The following RNF157 variants were observed in gnomAD, a reference collection of about 807,000 sequenced individuals.
The protein encoded by RNF157 is E3 ubiquitin ligase RNF157.
A neutral mutation model predicts 88.3 loss-of-function variants in RNF157; 55 were observed. The ratio of observed to expected loss-of-function variants is 0.62; its 90% CI spans 0.50 to 0.78. The LOEUF is 0.78. RNF157 is among the 30% of genes least tolerant of loss of function. RNF157 has a pLI of 0.00. For synonymous variants in RNF157, 334 were observed against 341.2 expected (o/e 0.98, Z 0.23); for missense variants, 788 against 860.8 (o/e 0.92, Z 1.06).
chr17:76,210,331 T>TCC (rs1568065508), intron 2 of RNF157, among the ~76,000 whole-genome samples: 1 of 151,504 alleles, frequency 6.6e-6, no homozygotes, highest in African/African-American at 2.4e-5. Flanking sequence ...CAGTGGCTCA[T>TCC]GCCTGTAATC....
At chr17:76,187,120 G>A (rs540228316) in intron 2 of RNF157, among the ~76,000 whole-genome samples, 90 of 152,148 alleles carry the variant, frequency 5.9e-4, no homozygotes, top group African/African-American at 2.1e-3. Flanking sequence ...TGTATTTGCA[G>A]ATACAGCCCT....
At chr17:76,165,937 C>T (rs2068917062) in intron 6 of RNF157, among the ~76,000 whole-genome samples, 1 of 152,004 alleles carries the variant, frequency 6.6e-6, no homozygotes, top group Non-Finnish European at 1.5e-5. Flanking sequence ...CTCAGCCTCC[C>T]AAAGTGCTAG....
At chr17:76,154,721 GTTGGCT>G (rs2068735133) in intron 16 of RNF157, 1 of 226,038 alleles carries the variant, frequency 4.4e-6, no homozygotes, top group East Asian at 1.2e-4. Context: ...ATTGACAGGA[GTTGGCT>G]CAAGAAGAGT....
chr17:76,182,773 A>ATG (rs1476347895), intron 2 of RNF157, among the ~76,000 whole-genome samples: 2 of 138,970 alleles, frequency 1.4e-5, no homozygotes, highest in Non-Finnish European at 3.0e-5. Context: ...ATATATATAT[A>ATG]TATATATATA....
chr17:76,202,113 C>A (rs2069590326), intron 2 of RNF157, among the ~76,000 whole-genome samples: 1 of 131,420 alleles, frequency 7.6e-6, no homozygotes, highest in Non-Finnish European at 1.5e-5. Flanking sequence ...ATCTCAGTTT[C>A]TCTCTCTCTC....
At position 76,212,441 on chromosome 17, in the gene RNF157, A is replaced by G. The variant is rs781699657; in HGVS notation, c.130T>C (p.Phe44Leu). 6.2e-7 allele frequency: 1 copy of G among 1,613,970 alleles called. No homozygotes were observed. The highest frequency in any genetic ancestry group is 8.5e-7 in the Non-Finnish European group (1 of 1,179,922). ...ASHFIMGGEK[F>L]DSTHPEGYLF... ...TAACCTTCAGGATGAGTTGAGTCAAACTTCTCTCCTCCCATAATGAAGTGG... is the reference window on the plus strand; with the variant it reads ...TAACCTTCAGGATGAGTTGAGTCAAGCTTCTCTCCTCCCATAATGAAGTGG... Residue 44 changes from phenylalanine to leucine, a missense_variant, in exon 2 of 19, where the codon TTT (phenylalanine) becomes CTT (leucine). Transcript: ENST00000269391.
rs563133321 is a variant in RNF157, at chr17:76,157,648, G to A, written c.1413+745C>T. 5.3e-5 allele frequency among the ~76,000 whole-genome samples: 8 copies of A among 152,224 alleles called. No homozygotes were observed. The South Asian group carries it at 1.5e-3, about 28-fold the overall frequency. On this transcript the variant is annotated intron_variant, in intron 13 of 18. Transcript: ENST00000269391. This position sits in a 1 kb window ranked among gnomAD's most constrained non-coding sequence, Gnocchi z 5.6. ...CTTAGTCATTGAACAAATACTTACT[G>A]AGCAACAACAACGTGCCAGGCACAT...
At chr17:76,235,309 T>C (rs1284102078) in intron 1 of RNF157, among the ~76,000 whole-genome samples, 1 of 152,004 alleles carries the variant, frequency 6.6e-6, no homozygotes, top group East Asian at 1.9e-4. Flanking sequence ...ATCATTCTCC[T>C]GCCTCAGCCT....
At chr17:76,155,431 G>A in intron 15 of RNF157, 114 bp from the exon 16 acceptor site, 1 of 1,442,628 alleles carries the variant, frequency 6.9e-7, no homozygotes. Context: ...CTAAGGGAAT[G>A]CCTTGTTTTC....
chr17:76,201,392 G>A (rs2069575941), intron 2 of RNF157, among the ~76,000 whole-genome samples: 4 of 151,216 alleles, frequency 2.6e-5, no homozygotes, highest in Admixed American at 2.6e-4. Flanking sequence ...TGTATCTGTA[G>A]TCCCAGCTAC....
At chr17:76,165,342 C>T (rs375406048) in intron 7 of RNF157, among the ~76,000 whole-genome samples, 160 bp downstream of exon 7, 10 of 152,062 alleles carry the variant, frequency 6.6e-5, no homozygotes, top group Non-Finnish European at 1.3e-4. Flanking sequence ...GGCTGGAGTG[C>T]GGTGGTGCCA....
rs556389482 is a variant in RNF157, at chr17:76,170,070, G to A, written c.297-2273C>T. On this transcript the variant is annotated intron_variant, in intron 3 of 18. Transcript: ENST00000269391. ...CTGTGGGCTGACCTGGATCTGTTGA[G>A]GAACCTCTAACTCTAGTCTCTTAGG... is the stretch of plus-strand genomic sequence containing the variant. Among the ~76,000 whole-genome samples, 12 of 152,292 alleles carry A rather than the reference G, an allele frequency of 7.9e-5. No individual in the cohort carries two copies. In the East Asian group the frequency reaches 1.5e-3, roughly 20 times the overall value.
intron 2 of RNF157, among the ~76,000 whole-genome samples, chr17:76,189,266 G>A (rs935725226): frequency 3.3e-5 from 5 of 152,210 alleles, no homozygotes; most frequent in Non-Finnish European, 7.3e-5. Context: ...ACCTTAGGTG[G>A]AGCTGGATAA....
rs72868716 is a variant in RNF157 at position 76,167,166 on chromosome 17, C to G, written c.444-40G>C. ...GGGAGGCAAAGCAAAAGTCAGTATC[C>G]GGCACAGATGGGTCTGACAACTTCC... On this transcript the variant is annotated intron_variant, in intron 4 of 18. Transcript: ENST00000269391. The G allele has an allele frequency of 2.1e-6, 3 of 1,447,560 alleles. No homozygotes were observed. In the African/African-American group the frequency reaches 4.2e-5, roughly 20 times the overall value. 89.7% of individuals were successfully genotyped at this position (1,447,560 alleles called of 1,614,324 possible). A position where few individuals can be genotyped will look rare whatever the true frequency, so the allele number is the denominator to read the frequency against.
Position 76,146,953 on chromosome 17 carries a change from A to G in RNF157, c.1922-1600T>C, listed in dbSNP as rs2068594571. 1 of 985,386 alleles carries G rather than the reference A, an allele frequency of 1.0e-6. No individual in the cohort carries two copies. Among genetic ancestry groups the G allele is most frequent in the South Asian group, 4.7e-5 (1 of 21,288 alleles). The allele number at this position is 985,386 out of a possible 1,614,324, so 61.0% of individuals were successfully genotyped here. A position where few individuals can be genotyped will look rare whatever the true frequency, so the allele number is the denominator to read the frequency against. On this transcript the variant is annotated intron_variant, in intron 18 of 18. Transcript: ENST00000269391. The surrounding 1 kb of genome is among the most constrained non-coding windows in gnomAD (Gnocchi z 4.2). The stretch of plus-strand genomic sequence containing the variant: ...CAACAGGTATAAATGGCTTATTTCC[A>G]TCAATGCCTTGGTGTGCTAATCCAC...
intron 3 of RNF157, among the ~76,000 whole-genome samples, chr17:76,173,501 G>A (rs2069052092): frequency 6.6e-6 from 1 of 152,128 alleles, no homozygotes; most frequent in Non-Finnish European, 1.5e-5. Context: ...ACAGACGATT[G>A]CATCCAGTGC....
intron 2 of RNF157, among the ~76,000 whole-genome samples, chr17:76,197,856 G>C (rs1231967076): frequency 6.6e-6 from 1 of 152,190 alleles, no homozygotes; most frequent in Non-Finnish European, 1.5e-5. Context: ...GGCCCTGGTA[G>C]GGAAGGAGTG....
rs1028937472 is a variant in RNF157, at chr17:76,160,656, C to T, written c.1065+879G>A. 6.6e-6 allele frequency among the ~76,000 whole-genome samples: 1 copy of T among 152,092 alleles called. No individual in the cohort carries two copies. Among genetic ancestry groups the T allele is most frequent in the African/African-American group, 2.4e-5 (1 of 41,398 alleles). The stretch of plus-strand genomic sequence containing the variant: ...AAAGACATTAGCTTTTCCTCTGATA[C>T]ACACATTGTAAATAGTTTTTAAAAA... On this transcript the variant is annotated intron_variant, in intron 11 of 18. Transcript: ENST00000269391. This position sits in a 1 kb window ranked among gnomAD's most constrained non-coding sequence, Gnocchi z 4.3.
intron 2 of RNF157, among the ~76,000 whole-genome samples, chr17:76,190,405 G>A (rs1205994556): frequency 1.3e-5 from 2 of 151,988 alleles, no homozygotes; most frequent in Non-Finnish European, 2.9e-5. Flanking sequence ...GGCCCCAAGT[G>A]ATCTGCCTGC....
Sources: allele counts gnomAD v4.1 joint callset (sites outside exome capture counted in the v4.1 genomes callset), GRCh38; gene constraint gnomAD v4.1.1; non-coding constraint Gnocchi (gnomAD v3.1); transcripts MANE v1.5; gene names NCBI Gene and HGNC (gene_info 2026-07-23, HGNC 2026-07-21).